SHH: variants seen among roughly 807,000 people sequenced by gnomAD.
The protein encoded by SHH is sonic hedgehog signaling molecule, also known as sonic hedgehog protein.
In SHH, 3 loss-of-function variants were observed where a neutral mutation model predicts 16.6. The ratio of observed to expected loss-of-function variants is 0.18; its 90% CI spans 0.08 to 0.47. The LOEUF (loss-of-function observed/expected upper bound fraction) is 0.47. Among genes scored for constraint, SHH ranks in the 20% least tolerant of loss-of-function variants. The pLI is 0.98. For synonymous variants in SHH, 351 were observed against 316.2 expected, an observed-to-expected ratio of 1.11 and a Z score of -1.17; for missense variants, 499 against 665.0, an observed-to-expected ratio of 0.75 and a Z score of 2.75.
At position 155,812,189 on chromosome 7, in the gene SHH, GGTGTGTGC is replaced by G; in HGVS notation, c.-75_-68del. On this transcript the variant is annotated 5_prime_UTR_variant, in exon 1 of 3. Coordinates refer to ENST00000297261, the MANE Select transcript of SHH (RefSeq NM_000193.4). ...GGTCCGTGCGCGAGTGCGCGCGGCG[GGTGTGTGC>G]GTGTGCGCTCTCTCTTGCGCTTTCC... 1 of 1,493,494 alleles carries G rather than the reference GGTGTGTGC, an allele frequency of 6.7e-7. No homozygotes were observed. Among genetic ancestry groups the G allele is most frequent in the South Asian group, 1.1e-5 (1 of 88,526 alleles). 92.5% of individuals were successfully genotyped at this position (1,493,494 alleles called of 1,614,324 possible). A position where few individuals can be genotyped will look rare whatever the true frequency, so the allele number is the denominator to read the frequency against.
chr7:155,804,189 C>T (rs1249433197), intron 2 of SHH, among the ~76,000 whole-genome samples: 1 of 151,588 alleles, frequency 6.6e-6, no homozygotes, highest in Non-Finnish European at 1.5e-5. Flanking sequence ...GGCGCCTGCT[C>T]GCGCACTCAG....
At chr7:155,803,931 A>G (rs891525042) in intron 2 of SHH, among the ~76,000 whole-genome samples, 2 of 143,696 alleles carry the variant, frequency 1.4e-5, no homozygotes, top group Non-Finnish European at 3.0e-5. Context: ...GGATTCCGAC[A>G]CATTCCTTAA....
rs1803368181 is a variant in SHH at position 155,806,572 on chromosome 7, G to A, written c.301-15C>T. The A allele has an allele frequency of 3.7e-6, 6 of 1,610,168 alleles. No homozygotes were observed. Among genetic ancestry groups the A allele is most frequent in the Non-Finnish European group, 4.2e-6 (5 of 1,180,012 alleles). On this transcript the variant is annotated splice_polypyrimidine_tract_variant and intron_variant, in intron 1 of 2. Coordinates refer to ENST00000297261, the MANE Select transcript of SHH (RefSeq NM_000193.4). ...TCCTTACACCTCTGCGAAGACAAGG[G>A]GACCCCCACCGACGGACACGTTAGC...
At position 155,808,665 on chromosome 7, in the gene SHH, A is replaced by G. The variant is rs1803430779; in HGVS notation, c.301-2108T>C. Among the ~76,000 whole-genome samples the G allele has an allele frequency of 3.9e-5, 6 of 152,272 alleles. No individual in the cohort carries two copies. The South Asian group carries it at 1.2e-3, about 32-fold the overall frequency. ...CGCTGGGCGGGATTGTCGCAGGCAA[A>G]GCCGGGAAGCCCAGGCCGGTTATTA... is the stretch of plus-strand genomic sequence containing the variant. On this transcript the variant is annotated intron_variant, in intron 1 of 2. Coordinates refer to ENST00000297261, the MANE Select transcript of SHH (RefSeq NM_000193.4).
At chr7:155,805,772 C>T (rs1240284886) in intron 2 of SHH, among the ~76,000 whole-genome samples, 2 of 152,172 alleles carry the variant, frequency 1.3e-5, no homozygotes, top group African/African-American at 4.8e-5. Flanking sequence ...GGTGGTTGCC[C>T]CTGGGTTTAC....
intron 1 of SHH, among the ~76,000 whole-genome samples, chr7:155,811,004 C>A (rs1345206649): frequency 6.6e-6 from 1 of 152,224 alleles, no homozygotes; most frequent in Non-Finnish European, 1.5e-5. Context: ...TCCCCCCACA[C>A]TAATATTTAT....
intron 2 of SHH, among the ~76,000 whole-genome samples, chr7:155,805,927 C>A (rs1215649001): frequency 1.3e-5 from 2 of 152,244 alleles, no homozygotes; most frequent in Non-Finnish European, 2.9e-5. Context: ...AAGCCCTAAA[C>A]GAGAGGAAGG....
At position 155,803,500 on chromosome 7, in the gene SHH, G is replaced by C. The variant is rs538266080; in HGVS notation, c.789C>G (p.Arg263=). The C allele has an allele frequency of 3.7e-5, 59 of 1,574,016 alleles. No individual in the cohort carries two copies. In the African/African-American group the frequency reaches 5.6e-4, roughly 15 times the overall value. The part of the protein sequence containing the change: ...YVIETREPRE[R]LLLTAAHLLF... ...GCAGGTGCGCGGCGGTGAGCAGCAG[G>C]CGCTCGCGCGGCTCCCGCGTCTCGA... is the stretch of plus-strand genomic sequence containing the variant. Residue 263 remains arginine, a synonymous_variant, in exon 3 of 3, where the codon CGC becomes CGG. Coordinates refer to ENST00000297261, the MANE Select transcript of SHH (RefSeq NM_000193.4).
chr7:155,806,665 C>CA (rs771598987), intron 1 of SHH, 108 bp from the exon 2 acceptor site: 2 of 1,404,846 alleles, frequency 1.4e-6, no homozygotes, highest in Admixed American at 1.7e-5. Flanking sequence ...GCGCGAGGGC[C>CA]ATGCGGAGAG....
Position 155,809,168 on chromosome 7 carries a change from G to C in SHH, c.301-2611C>G, listed in dbSNP as rs1803446080. The C allele has an allele frequency of 6.6e-6, 1 of 152,220 alleles. No individual in the cohort carries two copies. The highest frequency in any genetic ancestry group is 2.4e-5 in the African/African-American group (1 of 41,420). 9.4% of individuals were successfully genotyped at this position (152,220 alleles called of 1,614,324 possible). On this transcript the variant is annotated intron_variant, in intron 1 of 2. Transcript: ENST00000297261. This position sits in a 1 kb window ranked among gnomAD's most constrained non-coding sequence, Gnocchi z 6.1. ...CCGCGCGGGGAGAGCGTGTCTGTCT[G>C]CGCTTTCCTCTCCCGGGTTAATATT... is the stretch of plus-strand genomic sequence containing the variant.
chr7:155,803,729 G>A lies in SHH; in HGVS notation c.563-3C>T. On this transcript the variant is annotated splice_polypyrimidine_tract_variant and splice_region_variant and intron_variant, in intron 2 of 2. Transcript: ENST00000297261. ...CGATTTGGCCGCCACCGAGTTCTCT[G>A]CGGGTGAGGAGAAGGGAAAGAAGAG... 6.3e-7 allele frequency: 1 copy of A among 1,595,550 alleles called. No homozygotes were observed. Among genetic ancestry groups the A allele is most frequent in the Non-Finnish European group, 8.5e-7 (1 of 1,177,906 alleles).
chr7:155,811,536 A>G (rs1009817355), intron 1 of SHH, among the ~76,000 whole-genome samples: 1 of 152,148 alleles, frequency 6.6e-6, no homozygotes, highest in African/African-American at 2.4e-5. Context: ...CAGAGGTAGG[A>G]TGGGGAAGGC....
chr7:155,801,543 G>T lies in SHH; in HGVS notation c.*1357C>A, dbSNP rs1803180535. 1 of 152,246 alleles carries T rather than the reference G, an allele frequency of 6.6e-6. No homozygotes were observed. The highest frequency in any genetic ancestry group is 2.1e-4 in the South Asian group (1 of 4,824). The allele number at this position is 152,246 out of a possible 1,614,324, so 9.4% of individuals were successfully genotyped here. ...TACACATCAGGCTTTGCTAGTTAAGGGGTGGGGTGAGGGGGACAGCACAGT... is the reference window on the plus strand; with the variant it reads ...TACACATCAGGCTTTGCTAGTTAAGTGGTGGGGTGAGGGGGACAGCACAGT... On this transcript the variant is annotated 3_prime_UTR_variant, in exon 3 of 3. Coordinates refer to ENST00000297261, the MANE Select transcript of SHH (RefSeq NM_000193.4).
Position 155,800,973 on chromosome 7 carries a change from C to T in SHH, c.*1927G>A, listed in dbSNP as rs1259110574. 2.5e-5 allele frequency: 5 copies of T among 204,064 alleles called. No homozygotes were observed. Among genetic ancestry groups the T allele is most frequent in the Middle Eastern group, 2.1e-3 (1 of 470 alleles). The allele number at this position is 204,064 out of a possible 1,614,324, so 12.6% of individuals were successfully genotyped here. A position where few individuals can be genotyped will look rare whatever the true frequency, so the allele number is the denominator to read the frequency against. ...TCTTCCAAGGCCCAGCCTGCTCAGA[C>T]GATTCGGCCCAAAGCACAAAGCATG... On this transcript the variant is annotated 3_prime_UTR_variant, in exon 3 of 3. Transcript: ENST00000297261.
Position 155,807,049 on chromosome 7 carries a change from T to C in SHH, c.301-492A>G, listed in dbSNP as rs570028767. On this transcript the variant is annotated intron_variant, in intron 1 of 2. Transcript: ENST00000297261. The surrounding 1 kb of genome is among the most constrained non-coding windows in gnomAD (Gnocchi z 7.1). ...CCTCACAGCAGGCCTGACAGAGACC[T>C]GGGCGCAAGTTCCCAGAAATAAAGA... The C allele has an allele frequency of 5.8e-5, 13 of 225,932 alleles. No individual in the cohort carries two copies. Among genetic ancestry groups the C allele is most frequent in the Admixed American group, 1.0e-4 (2 of 19,268 alleles). The allele number at this position is 225,932 out of a possible 1,614,324, so 14.0% of individuals were successfully genotyped here.
chr7:155,811,030 AT>A (rs1450011018), intron 1 of SHH, among the ~76,000 whole-genome samples: 1 of 152,204 alleles, frequency 6.6e-6, no homozygotes, highest in African/African-American at 2.4e-5. Context: ...CTTAATTCTT[AT>A]GCAAGCAGGT....
intron 1 of SHH, among the ~76,000 whole-genome samples, chr7:155,808,546 G>A (rs1299648468): frequency 6.6e-6 from 1 of 152,218 alleles, no homozygotes; most frequent in East Asian, 1.9e-4. Flanking sequence ...GAGGGGCGGA[G>A]GCCGAGGGTT....
In SHH at chr7:155,807,796, C is replaced by A. The variant is rs1404314722; in HGVS notation, c.301-1239G>T. On this transcript the variant is annotated intron_variant, in intron 1 of 2. Coordinates refer to ENST00000297261, the MANE Select transcript of SHH (RefSeq NM_000193.4). This position sits in a 1 kb window ranked among gnomAD's most constrained non-coding sequence, Gnocchi z 7.1. Reference sequence around the variant, plus strand: ...CCAAGAAGCTGCGCCAAGTGGAGGCCGAGGGGCAATTTCAAGGTGACTTCT... The same window carrying A: ...CCAAGAAGCTGCGCCAAGTGGAGGCAGAGGGGCAATTTCAAGGTGACTTCT... Among the ~76,000 whole-genome samples the A allele has an allele frequency of 1.3e-5, 2 of 151,966 alleles. No homozygotes were observed. The highest frequency in any genetic ancestry group is 2.9e-5 in the Non-Finnish European group (2 of 67,986).
Position 155,801,278 on chromosome 7 carries a change from A to G in SHH, c.*1622T>C, listed in dbSNP as rs1374217524. The G allele has an allele frequency of 6.6e-6, 1 of 152,498 alleles. No homozygotes were observed. The highest frequency in any genetic ancestry group is 1.5e-5 in the Non-Finnish European group (1 of 68,292). 9.4% of individuals were successfully genotyped at this position (152,498 alleles called of 1,614,324 possible). On this transcript the variant is annotated 3_prime_UTR_variant, in exon 3 of 3. Coordinates refer to ENST00000297261, the MANE Select transcript of SHH (RefSeq NM_000193.4). The stretch of plus-strand genomic sequence containing the variant: ...TCGCCACTGTGGGCTTGCCACTCAG[A>G]TTTAAGGGGACCCTCAAGAAAAGAG...
Sources: allele counts gnomAD v4.1 joint callset (sites outside exome capture counted in the v4.1 genomes callset), GRCh38; gene constraint gnomAD v4.1.1; non-coding constraint Gnocchi (gnomAD v3.1); transcripts MANE v1.5; gene names NCBI Gene and HGNC (gene_info 2026-07-23, HGNC 2026-07-21).